UBR3: variants seen among roughly 807,000 people sequenced by gnomAD.
The protein encoded by UBR3 is ubiquitin protein ligase E3 component n-recognin 3.
In UBR3, 85 loss-of-function variants were observed where a neutral mutation model predicts 243.2. That is an observed-to-expected ratio of 0.35 (90% CI 0.29 to 0.42). The LOEUF is 0.42. Among genes scored for constraint, UBR3 ranks in the 10% least tolerant of loss-of-function variants. The probability of loss-of-function intolerance (pLI) is 1.00; values close to 1 mark genes in which losing one functional copy is unlikely to be tolerated. For synonymous variants in UBR3, 748 were observed against 799.8 expected (o/e 0.94, Z 1.09); for missense variants, 1,686 against 2,300.8 (o/e 0.73, Z 5.47).
intron 34 of UBR3, 62 bp from the exon 35 acceptor site, chr2:170,061,256 T>G: frequency 6.3e-7 from 1 of 1,584,114 alleles, no homozygotes; most frequent in Non-Finnish European, 8.6e-7. Context: ...CCATTATGAA[T>G]GTAATTTTTA....
intron 10 of UBR3, 78 bp from the exon 11 acceptor site, chr2:169,913,982 A>G (rs1248590801): frequency 1.7e-6 from 1 of 595,704 alleles, no homozygotes; most frequent in Non-Finnish European, 2.5e-6. Context: ...TACACAATGC[A>G]TATAATTACA....
intron 6 of UBR3, among the ~76,000 whole-genome samples, chr2:169,891,446 C>G (rs2084370992): frequency 1.3e-5 from 2 of 152,056 alleles, no homozygotes; most frequent in Admixed American, 1.3e-4. Context: ...TATGCATTAT[C>G]ATATTTGAGT....
chr2:169,829,850 CACACG>C (rs917682581), intron 1 of UBR3, among the ~76,000 whole-genome samples: 4 of 139,418 alleles, frequency 2.9e-5, no homozygotes, highest in African/African-American at 1.0e-4. Flanking sequence ...CACACACACA[CACACG>C]GAAGTTTTTC....
chr2:169,974,844 G>A (rs1205177456), intron 24 of UBR3, among the ~76,000 whole-genome samples: 1 of 151,990 alleles, frequency 6.6e-6, no homozygotes, highest in African/African-American at 2.4e-5. Flanking sequence ...ATAGGTTTTG[G>A]TATGTTGTGT....
intron 23 of UBR3, among the ~76,000 whole-genome samples, chr2:169,955,531 C>T (rs995094435): frequency 1.8e-4 from 28 of 151,892 alleles, no homozygotes; most frequent in African/African-American, 5.8e-4. Context: ...TCGTGACTCA[C>T]ACCTGTAATC....
chr2:169,995,290 A>G (rs1324259587), intron 26 of UBR3, among the ~76,000 whole-genome samples: 2 of 152,164 alleles, frequency 1.3e-5, no homozygotes, highest in African/African-American at 4.8e-5. Flanking sequence ...CCTTAATTTA[A>G]CCCATCACCA....
rs1232702812 is a variant in UBR3 at position 169,891,071 on chromosome 2, A to G, written c.1039-94A>G. On this transcript the variant is annotated intron_variant, in intron 5 of 38. Coordinates refer to ENST00000272793, the MANE Select transcript of UBR3 (RefSeq NM_172070.4). ...TGATTAGTAGTATGTAAGCATGCAT[A>G]TATTATGTGTTTAATGTAATTTGTA... 12 of 782,954 alleles carry G rather than the reference A, an allele frequency of 1.5e-5. No individual in the cohort carries two copies. In the East Asian group the frequency reaches 3.3e-4, roughly 21 times the overall value. 48.5% of individuals were successfully genotyped at this position (782,954 alleles called of 1,614,324 possible).
intron 5 of UBR3, among the ~76,000 whole-genome samples, chr2:169,879,170 T>C (rs1008242044): frequency 2.0e-5 from 3 of 151,834 alleles, no homozygotes; most frequent in African/African-American, 4.8e-5. Context: ...ATTGCTGTTA[T>C]ATTTGCTTAT....
At chr2:169,914,167 T>C in intron 11 of UBR3, 21 bp downstream of exon 11, 1 of 1,400,550 alleles carries the variant, frequency 7.1e-7, no homozygotes, top group Non-Finnish European at 9.5e-7. Flanking sequence ...TTTTGATGTA[T>C]GTAAATTTTT....
chr2:170,009,843 A>G (rs916909266), intron 29 of UBR3, among the ~76,000 whole-genome samples: 9 of 151,834 alleles, frequency 5.9e-5, no homozygotes, highest in Non-Finnish European at 1.0e-4. Flanking sequence ...TTCCTCTCCT[A>G]TGTTTAGCTT....
intron 1 of UBR3, among the ~76,000 whole-genome samples, chr2:169,867,069 A>C (rs1042871785): frequency 1.2e-4 from 18 of 152,136 alleles, no homozygotes; most frequent in African/African-American, 4.1e-4. Context: ...GGCATAACTT[A>C]TTTTTTGTTT....
chr2:169,896,503 A>G lies in UBR3; in HGVS notation c.1237-4A>G, dbSNP rs1405886900. On this transcript the variant is annotated splice_region_variant and splice_polypyrimidine_tract_variant and intron_variant, in intron 7 of 38. Transcript: ENST00000272793. ...TTTTTTCCTTTCTATTAAAATGTTTACAGGTTGCTTTTACAAAAACTTTTG... is the reference window on the plus strand; with the variant it reads ...TTTTTTCCTTTCTATTAAAATGTTTGCAGGTTGCTTTTACAAAAACTTTTG... 2.0e-6 allele frequency: 3 copies of G among 1,511,576 alleles called. No homozygotes were observed. Among genetic ancestry groups the G allele is most frequent in the Non-Finnish European group, 2.7e-6 (3 of 1,123,362 alleles). 93.6% of individuals were successfully genotyped at this position (1,511,576 alleles called of 1,614,324 possible).
At chr2:169,848,870 G>A (rs965984390) in intron 1 of UBR3, among the ~76,000 whole-genome samples, 1 of 151,960 alleles carries the variant, frequency 6.6e-6, no homozygotes, top group African/African-American at 2.4e-5. Flanking sequence ...ACTGTTCTGT[G>A]TGGGAAACAT....
chr2:170,052,111 CCT>C (rs528383642), intron 32 of UBR3, among the ~76,000 whole-genome samples: 75 of 152,250 alleles, frequency 4.9e-4, no homozygotes, highest in Admixed American at 1.1e-3. Context: ...CTGCTCTCAT[CCT>C]CTGTTTTACA....
At chr2:169,911,318 T>C (rs898527025) in intron 10 of UBR3, among the ~76,000 whole-genome samples, 6 of 152,162 alleles carry the variant, frequency 3.9e-5, no homozygotes, top group Non-Finnish European at 8.8e-5. Flanking sequence ...AAGATTAATG[T>C]GGTCTTGACT....
chr2:169,901,351 G>C (rs957998693), intron 8 of UBR3, among the ~76,000 whole-genome samples: 1 of 151,990 alleles, frequency 6.6e-6, no homozygotes, highest in Non-Finnish European at 1.5e-5. Context: ...TTCCAGCCAA[G>C]TTCTAAAACT....
chr2:169,947,389 T>C, intron 21 of UBR3, 153 bp from the exon 22 acceptor site: 1 of 562,998 alleles, frequency 1.8e-6, no homozygotes, highest in Non-Finnish European at 2.7e-6. Context: ...GGTTTTATTA[T>C]TTAAATTTAT....
chr2:169,929,587 A>G (rs982190794), intron 18 of UBR3, among the ~76,000 whole-genome samples: 7 of 152,156 alleles, frequency 4.6e-5, no homozygotes, highest in South Asian at 4.1e-4. Flanking sequence ...CAAAAAAAAA[A>G]AGTCCACATA....
At chr2:169,982,460 T>C (rs1050950853) in intron 24 of UBR3, among the ~76,000 whole-genome samples, 6 of 152,102 alleles carry the variant, frequency 3.9e-5, no homozygotes, top group Non-Finnish European at 7.4e-5. Flanking sequence ...GCTCTAACTA[T>C]TTTTAACAAA....
Sources: gnomAD v4.1 joint callset for allele counts (sites outside exome capture counted in the v4.1 genomes callset) on GRCh38, gnomAD v4.1.1 for gene constraint, MANE v1.5 for transcripts, NCBI Gene and HGNC (gene_info 2026-07-23, HGNC 2026-07-21) for gene names.